CCDC191: variants seen among roughly 807,000 people sequenced by gnomAD.
The protein encoded by CCDC191 is coiled-coil domain-containing protein 191.
CCDC191 carries 99 observed loss-of-function variants against 114.0 expected under a neutral mutation model. That is an observed-to-expected ratio of 0.87 (90% confidence interval 0.74 to 1.03). CCDC191 has a LOEUF of 1.03. Among genes scored for constraint, CCDC191 ranks in the 50% least tolerant of loss-of-function variants. The probability of loss-of-function intolerance (pLI) is 0.00; values close to 1 mark genes in which losing one functional copy is unlikely to be tolerated. For synonymous variants in CCDC191, 351 were observed against 376.0 expected, an observed-to-expected ratio of 0.93 and a Z score of 0.77; for missense variants, 973 against 1,087.0, an observed-to-expected ratio of 0.90 and a Z score of 1.47.
At position 114,001,608 on chromosome 3, in the gene CCDC191, C is replaced by T. The variant is rs774449430; in HGVS notation, c.2150G>A (p.Arg717Lys). The stretch of plus-strand genomic sequence containing the variant: ...GACAATACTAACCATTTTCTTCAGT[C>T]TCTTCTCTTCTCGTTTTCTTTCAAG... ...AQLERKREEK[R>K]LKKMKELEKQ... The change falls in exon 13 of 17, where the codon AGA (arginine) becomes AAA (lysine). Residue 717 changes from arginine to lysine, a missense_variant. Physicochemically the swap from Arg to Lys is conservative, Grantham distance 26. Coordinates refer to ENST00000295878, the MANE Select transcript of CCDC191 (RefSeq NM_020817.2). The T allele has an allele frequency of 1.2e-6, 2 of 1,613,780 alleles. No homozygotes were observed. Among genetic ancestry groups the T allele is most frequent in the Non-Finnish European group, 1.7e-6 (2 of 1,179,784 alleles).
intron 16 of CCDC191, among the ~76,000 whole-genome samples, chr3:113,976,379 A>C (rs1182316180): frequency 1.3e-5 from 2 of 152,094 alleles, no homozygotes. Context: ...CAAAAAACCT[A>C]ATCTGGAGTT....
intron 13 of CCDC191, among the ~76,000 whole-genome samples, chr3:113,985,150 T>G (rs1412982554): frequency 6.6e-6 from 1 of 152,156 alleles, no homozygotes; most frequent in African/African-American, 2.4e-5. Flanking sequence ...AAGGCTTTTC[T>G]TATAAGAACG....
intron 4 of CCDC191, among the ~76,000 whole-genome samples, chr3:114,037,968 G>A (rs2076509466): frequency 6.6e-6 from 1 of 152,190 alleles, no homozygotes; most frequent in African/African-American, 2.4e-5. Flanking sequence ...TTGGGAAAAT[G>A]TGTAGGAGTG....
chr3:113,988,278 G>A (rs1268952426), intron 13 of CCDC191, among the ~76,000 whole-genome samples: 4 of 151,448 alleles, frequency 2.6e-5, no homozygotes, highest in South Asian at 2.1e-4. Flanking sequence ...GGTGGAGCAC[G>A]AGGTCAGGAG....
rs1553747224 is a variant in CCDC191 at position 114,006,617 on chromosome 3, T to TAAAA, written c.1414-656_1414-655insTTTT. ...ATATATATATATATATATATATATA[T>TAAAA]AAATATATATATTTTATATATAAAA... is the stretch of plus-strand genomic sequence containing the variant. On this transcript the variant is annotated intron_variant, in intron 9 of 16. Coordinates refer to ENST00000295878, the MANE Select transcript of CCDC191 (RefSeq NM_020817.2). Among the ~76,000 whole-genome samples, 420 of 118,428 alleles carry TAAAA rather than the reference T, an allele frequency of 3.5e-3. 6 individuals carry two copies. Among genetic ancestry groups the TAAAA allele is most frequent in the African/African-American group, 0.01 (292 of 28,944 alleles). The allele number at this position is 118,428 out of a possible 152,430, so 77.7% of individuals were successfully genotyped here. A position where few individuals can be genotyped will look rare whatever the true frequency, so the allele number is the denominator to read the frequency against.
rs2075916428 is a variant in CCDC191 at position 114,004,641 on chromosome 3, T to C, written c.1974A>G (p.Leu658=). ...PKQLMTPHPI[L]KAMEERAIQR... ...CCACCACCGAGACAGCCCTGCCTTT[T>C]AGTATGGGATGCGGTGTCATCAATT... The change falls in exon 11 of 17, where the codon CTA becomes CTG. Residue 658 remains leucine (L), a synonymous_variant. Coordinates refer to ENST00000295878, the MANE Select transcript of CCDC191 (RefSeq NM_020817.2). The C allele has an allele frequency of 1.9e-6, 3 of 1,611,782 alleles. No homozygotes were observed. In the South Asian group the frequency reaches 3.3e-5, roughly 18 times the overall value.
At chr3:114,028,502 G>C (rs1331782503) in intron 7 of CCDC191, among the ~76,000 whole-genome samples, 1 of 151,828 alleles carries the variant, frequency 6.6e-6, no homozygotes, top group East Asian at 1.9e-4. Context: ...AGCCAGGATG[G>C]TCTCGATCTC....
intron 13 of CCDC191, among the ~76,000 whole-genome samples, chr3:113,980,999 A>G (rs1030911722): frequency 6.6e-6 from 1 of 152,184 alleles, no homozygotes; most frequent in Non-Finnish European, 1.5e-5. Flanking sequence ...ATGAGTCTAC[A>G]AGAATCAGGG....
intron 4 of CCDC191, among the ~76,000 whole-genome samples, chr3:114,041,731 C>T (rs903239862): frequency 6.6e-6 from 1 of 152,058 alleles, no homozygotes; most frequent in Non-Finnish European, 1.5e-5. Flanking sequence ...CAGGTGAATT[C>T]ACCAAGGGTA....
chr3:113,990,931 CAAAAA>C (rs35483860), intron 13 of CCDC191, among the ~76,000 whole-genome samples: 3 of 47,634 alleles, frequency 6.3e-5, no homozygotes, highest in Admixed American at 5.4e-4. Context: ...TAAAGCACCT[CAAAAA>C]AAAAAAAAAA....
chr3:113,969,589 C>G (rs1940591229), intron 16 of CCDC191, among the ~76,000 whole-genome samples: 1 of 152,026 alleles, frequency 6.6e-6, no homozygotes, highest in Non-Finnish European at 1.5e-5. Context: ...TTTCCAGCAC[C>G]ATTTATTAAA....
intron 13 of CCDC191, among the ~76,000 whole-genome samples, chr3:113,981,467 G>A (rs2075147679): frequency 1.3e-5 from 2 of 152,176 alleles, no homozygotes; most frequent in East Asian, 1.9e-4. Context: ...AATAAAAATA[G>A]CTTATTGTAA....
chr3:114,039,907 T>C lies in CCDC191; in HGVS notation c.415+2796A>G, dbSNP rs565984225. 3.9e-5 allele frequency among the ~76,000 whole-genome samples: 6 copies of C among 152,278 alleles called. No individual in the cohort carries two copies. The South Asian group carries it at 1.2e-3, about 32-fold the overall frequency. ...TATTGAAGAAAGAAAAATATGTTTT[T>C]ATAAATTCAGTGTACCCTAAGTATA... On this transcript the variant is annotated intron_variant, in intron 4 of 16. Coordinates refer to ENST00000295878, the MANE Select transcript of CCDC191 (RefSeq NM_020817.2).
At chr3:114,030,221 A>T (rs1303263656) in intron 7 of CCDC191, among the ~76,000 whole-genome samples, 3 of 152,158 alleles carry the variant, frequency 2.0e-5, no homozygotes, top group Non-Finnish European at 4.4e-5. Context: ...ATTTTGTAAA[A>T]CTGCATATGT....
chr3:114,009,417 T>C (rs1438474222), intron 9 of CCDC191, among the ~76,000 whole-genome samples: 3 of 152,180 alleles, frequency 2.0e-5, no homozygotes, highest in Non-Finnish European at 4.4e-5. Context: ...CCATAAGCTT[T>C]TTTTTCCTGT....
chr3:114,017,618 T>G (rs2076180799), intron 8 of CCDC191, among the ~76,000 whole-genome samples: 2 of 152,174 alleles, frequency 1.3e-5, no homozygotes, highest in Admixed American at 1.3e-4. Context: ...ATGACAGAAC[T>G]GCCAGTAGAG....
chr3:113,983,879 A>G (rs1193322117), intron 13 of CCDC191, among the ~76,000 whole-genome samples: 1 of 152,230 alleles, frequency 6.6e-6, no homozygotes, highest in South Asian at 2.1e-4. Context: ...AAGTATAAGC[A>G]TTTAATAAAC....
chr3:114,001,579 A>G lies in CCDC191; in HGVS notation c.2163+16T>C. The G allele has an allele frequency of 1.9e-6, 3 of 1,613,438 alleles. No homozygotes were observed. Among genetic ancestry groups the G allele is most frequent in the Non-Finnish European group, 1.7e-6 (2 of 1,179,564 alleles). On this transcript the variant is annotated intron_variant, in intron 13 of 16. Coordinates refer to ENST00000295878, the MANE Select transcript of CCDC191 (RefSeq NM_020817.2). ...AACCTCAAGATACAGGGACTGACCAAATAGACAATACTAACCATTTTCTTC... is the reference window on the plus strand; with the variant it reads ...AACCTCAAGATACAGGGACTGACCAGATAGACAATACTAACCATTTTCTTC...
chr3:114,001,519 A>G (rs2075855472), intron 13 of CCDC191, 76 bp downstream of exon 13: 2 of 1,553,446 alleles, frequency 1.3e-6, no homozygotes, highest in Admixed American at 3.9e-5. Flanking sequence ...TCTGGGTTAA[A>G]GAAGGTGGAT....
Sources: gnomAD v4.1 joint callset for allele counts (sites outside exome capture counted in the v4.1 genomes callset) on GRCh38, gnomAD v4.1.1 for gene constraint, MANE v1.5 for transcripts, NCBI Gene and HGNC (gene_info 2026-07-23, HGNC 2026-07-21) for gene names.